TNRC6C: variants seen among roughly 807,000 people sequenced by gnomAD.
TNRC6C encodes trinucleotide repeat-containing gene 6C protein.
In TNRC6C, 20 loss-of-function variants were observed where a neutral mutation model predicts 153.7. The observed-to-expected ratio is 0.13, with a 90% confidence interval of 0.09 to 0.19. The LOEUF (loss-of-function observed/expected upper bound fraction) is 0.19, where lower values mean the gene tolerates loss of function less well. TNRC6C is among the 10% of genes least tolerant of loss of function. The pLI is 1.00. For missense variants in TNRC6C, 1,987 were observed against 2,172.0 expected, an observed-to-expected ratio of 0.91 and a Z score of 1.69; for synonymous variants, 811 against 841.4, an observed-to-expected ratio of 0.96 and a Z score of 0.63.
chr17:78,058,346 A>G (rs1487713062), intron 3 of TNRC6C, among the ~76,000 whole-genome samples: 1 of 152,242 alleles, frequency 6.6e-6, no homozygotes, highest in Non-Finnish European at 1.5e-5. Flanking sequence ...ATACTCAGAC[A>G]TAATATTCTG....
rs72268824 is a variant in TNRC6C at position 78,086,631 on chromosome 17, CCT to C, written c.3561+46_3561+47del. On this transcript the variant is annotated intron_variant, in intron 12 of 19. Transcript: ENST00000301624. ...ATTTTTGTCATGAGCTATAATTTTC[CCT>C]GATAGAAGAGACGCTAATTGATGAA... is the stretch of plus-strand genomic sequence containing the variant. The C allele has an allele frequency of 3.9e-3, 6,259 of 1,592,578 alleles. 205 individuals are homozygous for C. The African/African-American group carries it at 0.072, about 18-fold the overall frequency.
intron 1 of TNRC6C, among the ~76,000 whole-genome samples, chr17:78,006,808 T>TTTTATTTATTTA (rs1199249926): frequency 2.7e-5 from 4 of 148,130 alleles, no homozygotes; most frequent in Non-Finnish European, 4.5e-5. Context: ...GAGAATTTTC[T>TTTTATTTATTTA]TTTATTTATT....
In TNRC6C at chr17:78,079,429, G is replaced by C; in HGVS notation, c.3245G>C (p.Ser1082Thr). The C allele has an allele frequency of 1.2e-6, 2 of 1,613,928 alleles. No homozygotes were observed. Among genetic ancestry groups the C allele is most frequent in the Non-Finnish European group, 1.7e-6 (2 of 1,179,884 alleles). Residue 1082 changes from serine to threonine, a missense_variant, in exon 10 of 20, where the codon AGT (serine) becomes ACT (threonine). Coordinates refer to ENST00000301624, the Ensembl canonical transcript of TNRC6C. This position sits in a 1 kb window ranked among gnomAD's most constrained non-coding sequence, Gnocchi z 4.3. ...GGCAATCTGGGTATGTTTGGCAATA[G>C]TGGAGCAGCACAAGCCAGGACCATG...
chr17:77,978,365 G>C (rs1021262808), intron 1 of TNRC6C, among the ~76,000 whole-genome samples: 1 of 152,140 alleles, frequency 6.6e-6, no homozygotes, highest in African/African-American at 2.4e-5. Context: ...CTACCTGTAA[G>C]GTCATATAGT....
chr17:78,039,444 A>G (rs541219490), intron 2 of TNRC6C, among the ~76,000 whole-genome samples: 1 of 152,258 alleles, frequency 6.6e-6, no homozygotes, highest in South Asian at 2.1e-4. Flanking sequence ...ATTGATGTCA[A>G]CAAGTATCCC....
At chr17:78,050,168 C>G in exon 3 of TNRC6C, 1 of 1,565,596 alleles carries the variant, frequency 6.4e-7, no homozygotes, top group Non-Finnish European at 8.6e-7. Context: ...CCTAGTGTCA[C>G]CAGCCAGAAC....
At position 78,086,934 on chromosome 17, in the gene TNRC6C, C is replaced by G; in HGVS notation, c.3643C>G (p.Pro1215Ala). Reference sequence around the variant, plus strand: ...GGCCCAGGCCCTGCTCGTGAAGCAGCCACCACCGCCACCGCCCCCGCCGCA... The same window carrying G: ...GGCCCAGGCCCTGCTCGTGAAGCAGGCACCACCGCCACCGCCCCCGCCGCA... The change falls in exon 13 of 20, where the codon CCA (proline) becomes GCA (alanine). Residue 1215 changes from proline (P) to alanine (A), a missense_variant. By Grantham distance (27) the Pro-to-Ala change is conservative (BLOSUM62 -1). Around this residue, in one of 4 missense-constraint regions of TNRC6C, gnomAD observed 765 missense variants for 908.6 expected, o/e 0.84. Coordinates refer to ENST00000301624, the Ensembl canonical transcript of TNRC6C. 3 of 1,612,520 alleles carry G rather than the reference C, an allele frequency of 1.9e-6. No homozygotes were observed. Among genetic ancestry groups the G allele is most frequent in the Non-Finnish European group, 2.5e-6 (3 of 1,179,864 alleles).
At chr17:78,030,670 A>G (rs1402884527) in intron 1 of TNRC6C, among the ~76,000 whole-genome samples, 1 of 152,214 alleles carries the variant, frequency 6.6e-6, no homozygotes, top group Non-Finnish European at 1.5e-5. Flanking sequence ...TTATCATCAG[A>G]ATTAAAACAA....
chr17:78,095,671 TTTAGGGATACA>T (rs1351870821), intron 16 of TNRC6C, among the ~76,000 whole-genome samples: 1 of 152,120 alleles, frequency 6.6e-6, no homozygotes, highest in Non-Finnish European at 1.5e-5. Flanking sequence ...CTTGGTTGTG[TTTAGGGATACA>T]TTAGGGTTTG....
chr17:78,068,042 C>A, intron 5 of TNRC6C, 119 bp downstream of exon 7: 1 of 1,226,218 alleles, frequency 8.2e-7, no homozygotes, highest in Non-Finnish European at 1.1e-6. Flanking sequence ...AGTCTTAGGA[C>A]CCTTGGAGGT....
chr17:77,994,044 T>C (rs981916566), intron 1 of TNRC6C, among the ~76,000 whole-genome samples: 1 of 152,028 alleles, frequency 6.6e-6, no homozygotes, highest in Admixed American at 6.6e-5. Context: ...AATACAAAAA[T>C]TAGCCGGGCA....
chr17:78,049,388 G>C lies in TNRC6C; in HGVS notation c.326G>C (p.Trp109Ser). 2 of 1,613,978 alleles carry C rather than the reference G, an allele frequency of 1.2e-6. No individual in the cohort carries two copies. Among genetic ancestry groups the C allele is most frequent in the Non-Finnish European group, 1.7e-6 (2 of 1,179,878 alleles). Reference sequence around the variant, plus strand: ...AATCCTAATGCCAACCCAGCTGCCTGGCCTGTACTTGGACATGAAGGAACC... The same window carrying C: ...AATCCTAATGCCAACCCAGCTGCCTCGCCTGTACTTGGACATGAAGGAACC... Residue 109 changes from tryptophan to serine, a missense_variant, in exon 3 of 20, where the codon TGG (tryptophan) becomes TCG (serine). Around this residue, in one of 4 missense-constraint regions of TNRC6C, gnomAD observed 1,052 missense variants for 1,017.0 expected, o/e 1.03. Transcript: ENST00000301624. The surrounding 1 kb of genome is among the most constrained non-coding windows in gnomAD (Gnocchi z 4.1).
Position 78,075,533 on chromosome 17 carries a change from A to T in TNRC6C, c.3060+255A>T. ...ATTTATTGTGTGAACTTGGCTGGTT[A>T]TCTGCTTCAATTTGTCCAATGGGCA... On this transcript the variant is annotated intron_variant, in intron 8 of 19. Transcript: ENST00000301624. This position sits in a 1 kb window ranked among gnomAD's most constrained non-coding sequence, Gnocchi z 4.2. 5.9e-6 allele frequency: 3 copies of T among 509,714 alleles called. No homozygotes were observed. Among genetic ancestry groups the T allele is most frequent in the Non-Finnish European group, 6.9e-6 (2 of 291,334 alleles). The allele number at this position is 509,714 out of a possible 1,614,324, so 31.6% of individuals were successfully genotyped here. A position where few individuals can be genotyped will look rare whatever the true frequency, so the allele number is the denominator to read the frequency against.
exon 3 of TNRC6C, chr17:78,048,914 G>C (rs1004540395): frequency 3.9e-6 from 5 of 1,268,350 alleles, no homozygotes; most frequent in Non-Finnish European, 5.0e-6. Context: ...ACTTACAGAA[G>C]CGAAGCCAAC....
chr17:78,041,169 C>T lies in TNRC6C; in HGVS notation c.-218-7676C>T, dbSNP rs62078556. The stretch of plus-strand genomic sequence containing the variant: ...TAGAGCAGGAGAAACGGAACAAACA[C>T]GGAACAAATAGTGGCTGCTTCTCGC... On this transcript the variant is annotated intron_variant, in intron 2 of 19. Coordinates refer to ENST00000301624, the Ensembl canonical transcript of TNRC6C. 1,150 of 152,372 alleles carry T rather than the reference C, an allele frequency of 7.5e-3. 11 individuals are homozygous for T. Among genetic ancestry groups the T allele is most frequent in the Non-Finnish European group, 8.0e-3 (544 of 68,074 alleles). 9.4% of individuals were successfully genotyped at this position (152,372 alleles called of 1,614,324 possible).
chr17:78,041,083 C>CA (rs2072283680), intron 2 of TNRC6C: 1 of 152,274 alleles, frequency 6.6e-6, no homozygotes, highest in Non-Finnish European at 1.5e-5. Flanking sequence ...CGCGAGGTGG[C>CA]GTCTCCTAGG....
Position 78,049,634 on chromosome 17 carries a change from A to C in TNRC6C, c.572A>C (p.Asn191Thr), listed in dbSNP as rs774965162. 1 of 1,613,786 alleles carries C rather than the reference A, an allele frequency of 6.2e-7. No individual in the cohort carries two copies. The highest frequency in any genetic ancestry group is 2.2e-5 in the East Asian group (1 of 44,860). Residue 191 changes from asparagine to threonine, a missense_variant, in exon 3 of 20, where the codon AAC becomes ACC. Physicochemically the swap from Asn to Thr is moderately conservative, Grantham distance 65 (BLOSUM62 0). Around this residue, in one of 4 missense-constraint regions of TNRC6C, gnomAD observed 1,052 missense variants for 1,017.0 expected, o/e 1.03. Coordinates refer to ENST00000301624, the Ensembl canonical transcript of TNRC6C. This position sits in a 1 kb window ranked among gnomAD's most constrained non-coding sequence, Gnocchi z 4.1. ...GGACCAAATAACACTAACCCCATGA[A>C]CTCTTCACCCAACCCTATCAATGCA...
At chr17:78,023,417 C>T (rs181343125) in intron 1 of TNRC6C, among the ~76,000 whole-genome samples, 399 of 151,810 alleles carry the variant, frequency 2.6e-3, no homozygotes, top group Non-Finnish European at 4.3e-3. Flanking sequence ...TCTCCTGCTC[C>T]TCCTCCTCCT....
chr17:78,000,700 A>G (rs2071400705), upstream of TNRC6C, among the ~76,000 whole-genome samples: 1 of 142,690 alleles, frequency 7.0e-6, no homozygotes, highest in Admixed American at 7.7e-5. Flanking sequence ...ACTTCAGAGT[A>G]TGGTCTCTGG....
Sources: gnomAD v4.1 joint callset for allele counts (sites outside exome capture counted in the v4.1 genomes callset) on GRCh38, gnomAD v4.1.1 for gene constraint, gnomAD v4.1.1 regional missense constraint, Gnocchi (gnomAD v3.1) non-coding constraint, MANE v1.5 for transcripts, NCBI Gene and HGNC (gene_info 2026-07-23, HGNC 2026-07-21) for gene names.